The following ZNF609 variants were observed in gnomAD, a reference collection of about 807,000 sequenced individuals.
ZNF609 encodes the protein zinc finger protein 609.
A neutral mutation model predicts 109.5 loss-of-function variants in ZNF609; 11 were observed. The observed-to-expected ratio is 0.10, with a 90% CI of 0.06 to 0.17. The LOEUF (loss-of-function observed/expected upper bound fraction) is 0.17. Among genes scored for constraint, ZNF609 ranks in the 10% least tolerant of loss-of-function variants. The pLI, the probability that ZNF609 is intolerant of heterozygous loss-of-function variation, is 1.00. For missense variants in ZNF609, 1,559 were observed against 1,772.4 expected (o/e 0.88, Z 2.16); for synonymous variants, 646 against 662.0 (o/e 0.98, Z 0.37).
chr15:64,675,990 A>T lies in ZNF609; in HGVS notation c.3136A>T (p.Ile1046Phe). The T allele has an allele frequency of 6.2e-7, 1 of 1,614,254 alleles. No individual in the cohort carries two copies. Among genetic ancestry groups the T allele is most frequent in the Non-Finnish European group, 8.5e-7 (1 of 1,180,040 alleles). Residue 1046 changes from isoleucine to phenylalanine, a missense_variant, in exon 5 of 10, where the codon ATT becomes TTT. Transcript: ENST00000326648. ...GGAAGAGTGGAAGCAAAAGCCGTCA[A>T]TTCCACCAACTCTCACCAAGGCCCC... ...LKEEWKQKPS[I>F]PPTLTKAPSL...
At chr15:64,652,429 C>T (rs1243630834) in intron 3 of ZNF609, among the ~76,000 whole-genome samples, 1 of 151,258 alleles carries the variant, frequency 6.6e-6, no homozygotes, top group African/African-American at 2.4e-5. Flanking sequence ...CTCTGTCACC[C>T]AGGCTGGAGT....
At chr15:64,529,751 A>G in intron 2 of ZNF609, 1 of 553,930 alleles carries the variant, frequency 1.8e-6, no homozygotes, top group Non-Finnish European at 3.4e-6. Context: ...CTTTTTTGAG[A>G]CGGAGTTTCA....
intron 1 of ZNF609, among the ~76,000 whole-genome samples, chr15:64,462,996 G>C (rs564333620): frequency 6.6e-6 from 1 of 152,330 alleles, no homozygotes; most frequent in Non-Finnish European, 1.5e-5. Context: ...GCTCACACCT[G>C]TAATCCCAGC....
At chr15:64,463,567 A>G (rs572582309) in intron 1 of ZNF609, among the ~76,000 whole-genome samples, 225 of 152,354 alleles carry the variant, frequency 1.5e-3, no homozygotes, top group African/African-American at 5.2e-3. Flanking sequence ...GATAGTGTTG[A>G]ATAAGAACTT....
chr15:64,474,830 T>C (rs1361467051), intron 1 of ZNF609, among the ~76,000 whole-genome samples: 3 of 152,182 alleles, frequency 2.0e-5, no homozygotes, highest in Non-Finnish European at 4.4e-5. Context: ...TTTGATCATT[T>C]TGCTTCTTTC....
chr15:64,471,523 G>A (rs1893090943), intron 1 of ZNF609, among the ~76,000 whole-genome samples: 1 of 152,182 alleles, frequency 6.6e-6, no homozygotes, highest in South Asian at 2.1e-4. Flanking sequence ...TTGGGGAAGT[G>A]TTCCACTTGA....
intron 2 of ZNF609, chr15:64,593,359 A>T (rs1455438224): frequency 8.6e-6 from 9 of 1,046,606 alleles, no homozygotes; most frequent in Non-Finnish European, 1.3e-5. Flanking sequence ...AAGACAGGCT[A>T]TTCTCTGGAG....
chr15:64,653,869 A>G (rs1477009223), intron 3 of ZNF609, among the ~76,000 whole-genome samples: 3 of 152,168 alleles, frequency 2.0e-5, no homozygotes, highest in African/African-American at 7.2e-5. Flanking sequence ...CCAAAGAGCT[A>G]TAAAAAATTG....
chr15:64,511,481 CAAAAAAAAAA>C (rs796464007), intron 2 of ZNF609, among the ~76,000 whole-genome samples: 1 of 65,162 alleles, frequency 1.5e-5, no homozygotes, highest in African/African-American at 5.0e-5. Flanking sequence ...AACTTTGTCT[CAAAAAAAAAA>C]AAAAAAAAGG....
At chr15:64,565,706 A>AG in intron 2 of ZNF609, among the ~76,000 whole-genome samples, 1 of 152,332 alleles carries the variant, frequency 6.6e-6, no homozygotes, top group Admixed American at 6.5e-5. Flanking sequence ...AAGCATCTTT[A>AG]ATATTGAGCT....
At chr15:64,680,561 TTG>T (rs147044397) in intron 7 of ZNF609, 83 bp from the exon 8 acceptor site, 96,701 of 932,114 alleles carry the variant, frequency 0.1, 4 homozygotes, top group East Asian at 0.23. Flanking sequence ...GGCATCTCAC[TTG>T]TGTGTGTGTG....
In ZNF609 at chr15:64,612,903, T is replaced by C. The variant is rs139265257; in HGVS notation, c.748-9924T>C. 5.3e-3 allele frequency among the ~76,000 whole-genome samples: 808 copies of C among 152,134 alleles called. 12 individuals are homozygous for C. The highest frequency in any genetic ancestry group is 0.019 in the African/African-American group (775 of 41,498). On this transcript the variant is annotated intron_variant, in intron 2 of 9. Coordinates refer to ENST00000326648, the MANE Select transcript of ZNF609 (RefSeq NM_015042.2). ...GGTGGCATGCGTCTGTAATCCCAGCTACCCAGGAGGCTGAGGCAGGAGAAT... is the reference window on the plus strand; with the variant it reads ...GGTGGCATGCGTCTGTAATCCCAGCCACCCAGGAGGCTGAGGCAGGAGAAT...
intron 2 of ZNF609, among the ~76,000 whole-genome samples, chr15:64,504,901 C>T (rs1893612369): frequency 6.6e-6 from 1 of 152,246 alleles, no homozygotes; most frequent in Admixed American, 6.5e-5. Flanking sequence ...CACTTATGCA[C>T]TTCTGCCTTG....
chr15:64,477,653 G>C (rs916353497), intron 1 of ZNF609, among the ~76,000 whole-genome samples: 45 of 141,782 alleles, frequency 3.2e-4, no homozygotes, highest in Admixed American at 6.0e-4. Flanking sequence ...TTTTGAAACA[G>C]AGTCTCGCTC....
chr15:64,629,324 G>T (rs1000101056), intron 3 of ZNF609, among the ~76,000 whole-genome samples: 3 of 152,152 alleles, frequency 2.0e-5, no homozygotes, highest in African/African-American at 7.2e-5. Context: ...GTGTGTCATA[G>T]TGGGGAAAGT....
intron 3 of ZNF609, among the ~76,000 whole-genome samples, chr15:64,646,803 G>A (rs1386800574): frequency 6.6e-6 from 1 of 151,510 alleles, no homozygotes; most frequent in Non-Finnish European, 1.5e-5. Context: ...AGCTGGGCAT[G>A]GTGGCGCATG....
At chr15:64,671,260 C>G (rs1014010043) in intron 4 of ZNF609, 92 of 149,506 alleles carry the variant, frequency 6.2e-4, no homozygotes, top group African/African-American at 2.2e-3. Flanking sequence ...AAGTGTTCAG[C>G]GGGTGCTCAC....
intron 3 of ZNF609, among the ~76,000 whole-genome samples, chr15:64,628,488 C>G (rs1178180450): frequency 4.0e-5 from 6 of 151,548 alleles, no homozygotes; most frequent in Admixed American, 6.6e-5. Flanking sequence ...GAAACCCCGT[C>G]TCTACTACAA....
intron 2 of ZNF609, among the ~76,000 whole-genome samples, chr15:64,535,951 A>G (rs1259096947): frequency 1.3e-5 from 2 of 148,678 alleles, no homozygotes; most frequent in Non-Finnish European, 3.0e-5. Context: ...TCTTTTGCCC[A>G]CTTTCTTTTT....
Sources: gnomAD v4.1 joint callset for allele counts (sites outside exome capture counted in the v4.1 genomes callset) on GRCh38, gnomAD v4.1.1 for gene constraint, MANE v1.5 for transcripts, NCBI Gene and HGNC (gene_info 2026-07-23, HGNC 2026-07-21) for gene names.